The following KCNJ6 variants were observed in gnomAD, a reference collection of about 807,000 sequenced individuals.
The protein encoded by KCNJ6 is G protein-activated inward rectifier potassium channel 2.
KCNJ6 carries 9 observed loss-of-function variants against 34.2 expected under a neutral mutation model. The ratio of observed to expected loss-of-function variants is 0.26; its 90% CI spans 0.16 to 0.46. KCNJ6 has a LOEUF of 0.46. KCNJ6 is among the 20% of genes least tolerant of loss of function. KCNJ6 has a pLI of 1.00. For synonymous variants in KCNJ6, 196 were observed against 207.1 expected (o/e 0.95, Z 0.46); for missense variants, 236 against 531.3 (o/e 0.44, Z 5.46).
chr21:37,894,692 C>T (rs908395713), intron 1 of KCNJ6, among the ~76,000 whole-genome samples: 2 of 151,934 alleles, frequency 1.3e-5, no homozygotes, highest in Non-Finnish European at 2.9e-5. Flanking sequence ...CAACATTGTA[C>T]CACTCAGCTC....
At chr21:37,737,105 A>G (rs1324702164) in intron 2 of KCNJ6, among the ~76,000 whole-genome samples, 1 of 152,160 alleles carries the variant, frequency 6.6e-6, no homozygotes, top group African/African-American at 2.4e-5. Flanking sequence ...GGGGATCTGC[A>G]GAGCTTCTTT....
rs539317010 is a variant in KCNJ6 at position 37,677,084 on chromosome 21, C to A, written c.946+37127G>T. ...CAGTGGCAGAAATCGATAATTGGTTCCAGTTCCTCTCCCCAGGTGCCACGA... is the reference window on the plus strand; with the variant it reads ...CAGTGGCAGAAATCGATAATTGGTTACAGTTCCTCTCCCCAGGTGCCACGA... On this transcript the variant is annotated intron_variant, in intron 3 of 3. Transcript: ENST00000609713. Among the ~76,000 whole-genome samples, 3 of 152,342 alleles carry A rather than the reference C, an allele frequency of 2.0e-5. No individual in the cohort carries two copies. The South Asian group carries it at 6.2e-4, about 32-fold the overall frequency.
At chr21:37,842,083 C>G (rs565959183) in intron 1 of KCNJ6, among the ~76,000 whole-genome samples, 52 of 152,330 alleles carry the variant, frequency 3.4e-4, no homozygotes, top group Admixed American at 1.4e-3. Context: ...CTTTTGACTC[C>G]TAACCTTTGC....
intron 1 of KCNJ6, among the ~76,000 whole-genome samples, chr21:37,884,715 G>A (rs1392382748): frequency 1.3e-5 from 2 of 152,116 alleles, no homozygotes; most frequent in African/African-American, 4.8e-5. Flanking sequence ...AGAGTCACCT[G>A]GCTCTCATCC....
intron 3 of KCNJ6, among the ~76,000 whole-genome samples, chr21:37,667,132 C>T (rs2054517590): frequency 1.1e-5 from 1 of 92,248 alleles, no homozygotes; most frequent in South Asian, 3.8e-4. Flanking sequence ...CCGAGAAACA[C>T]CCAAGAATGA....
Position 37,829,870 on chromosome 21 carries a change from A to G in KCNJ6, c.25+10788T>C, listed in dbSNP as rs556676599. ...CCCCAGAGCCGGGCTTTCCATTACCAATAACTTGGAAAGGCAAAATGAGTG... is the reference window on the plus strand; with the variant it reads ...CCCCAGAGCCGGGCTTTCCATTACCGATAACTTGGAAAGGCAAAATGAGTG... On this transcript the variant is annotated intron_variant, in intron 2 of 3. Coordinates refer to ENST00000609713, the MANE Select transcript of KCNJ6 (RefSeq NM_002240.5). Among the ~76,000 whole-genome samples, 119 of 152,330 alleles carry G rather than the reference A, an allele frequency of 7.8e-4. No homozygotes were observed. The South Asian group carries it at 9.3e-3, about 12-fold the overall frequency.
intron 1 of KCNJ6, among the ~76,000 whole-genome samples, chr21:37,855,674 G>T (rs1327528231): frequency 6.6e-6 from 1 of 152,144 alleles, no homozygotes; most frequent in Non-Finnish European, 1.5e-5. Flanking sequence ...TCTCTCCCCC[G>T]GGGACCAGTC....
At chr21:37,659,309 C>A (rs2054477752) in intron 3 of KCNJ6, among the ~76,000 whole-genome samples, 1 of 152,184 alleles carries the variant, frequency 6.6e-6, no homozygotes, top group Non-Finnish European at 1.5e-5. Flanking sequence ...TGGACATGCA[C>A]CAAAAGGTGT....
Position 37,866,532 on chromosome 21 carries a change from C to T in KCNJ6, c.-27-25823G>A, listed in dbSNP as rs544521937. On this transcript the variant is annotated intron_variant, in intron 1 of 3. Transcript: ENST00000609713. ...GTGCAGCTTTTGCTAAAGGAACAGACCTGGCCGGAGCTGGACAGTGAGGCC... is the reference window on the plus strand; with the variant it reads ...GTGCAGCTTTTGCTAAAGGAACAGATCTGGCCGGAGCTGGACAGTGAGGCC... 6.6e-5 allele frequency among the ~76,000 whole-genome samples: 10 copies of T among 152,288 alleles called. No homozygotes were observed. The East Asian group carries it at 1.9e-3, about 29-fold the overall frequency.
At chr21:37,839,507 T>C (rs2055468349) in intron 2 of KCNJ6, among the ~76,000 whole-genome samples, 1 of 152,236 alleles carries the variant, frequency 6.6e-6, no homozygotes, top group Non-Finnish European at 1.5e-5. Flanking sequence ...GGAAGACCTG[T>C]ATTTAATAGT....
intron 2 of KCNJ6, among the ~76,000 whole-genome samples, chr21:37,797,095 T>A (rs972214614): frequency 6.6e-6 from 1 of 152,046 alleles, no homozygotes; most frequent in African/African-American, 2.4e-5. Context: ...GGAGTCTTAC[T>A]TTGTTGCCCA....
intron 1 of KCNJ6, among the ~76,000 whole-genome samples, chr21:37,911,047 T>C: frequency 6.6e-6 from 1 of 151,160 alleles, no homozygotes; most frequent in East Asian, 1.9e-4. Context: ...CTTTTAATGA[T>C]GAGACCGCTC....
intron 1 of KCNJ6, among the ~76,000 whole-genome samples, chr21:37,899,049 A>G (rs1218508308): frequency 1.3e-5 from 2 of 152,236 alleles, no homozygotes; most frequent in African/African-American, 4.8e-5. Flanking sequence ...TAAAAATGCA[A>G]ATATTTCCCT....
intron 3 of KCNJ6, among the ~76,000 whole-genome samples, chr21:37,705,439 A>C (rs1357231595): frequency 1.3e-5 from 2 of 152,224 alleles, no homozygotes; most frequent in Admixed American, 6.5e-5. Flanking sequence ...TCCATGCAAA[A>C]CATCTAATAA....
chr21:37,820,625 G>C (rs1032953082), intron 2 of KCNJ6, among the ~76,000 whole-genome samples: 1 of 152,042 alleles, frequency 6.6e-6, no homozygotes, highest in African/African-American at 2.4e-5. Flanking sequence ...ACCCATTCAG[G>C]TTCCATAATT....
chr21:37,881,477 GA>G (rs2055708006), intron 1 of KCNJ6, among the ~76,000 whole-genome samples: 3 of 151,790 alleles, frequency 2.0e-5, no homozygotes, highest in Non-Finnish European at 4.4e-5. Flanking sequence ...CATGGAGAGA[GA>G]GAGAGAGAGA....
At chr21:37,814,697 G>T (rs2055337785) in intron 2 of KCNJ6, among the ~76,000 whole-genome samples, 2 of 152,078 alleles carry the variant, frequency 1.3e-5, no homozygotes, top group Admixed American at 1.3e-4. Flanking sequence ...AAGAGATCGA[G>T]GCCATCCTGG....
intron 1 of KCNJ6, among the ~76,000 whole-genome samples, chr21:37,906,343 G>A (rs1434742478): frequency 6.6e-6 from 1 of 152,194 alleles, no homozygotes; most frequent in Non-Finnish European, 1.5e-5. Flanking sequence ...GACCCTACCT[G>A]GCTCTTGCAT....
chr21:37,810,869 T>C (rs73206072), intron 2 of KCNJ6, among the ~76,000 whole-genome samples: 11,732 of 152,256 alleles, frequency 0.077, 519 homozygotes, highest in Middle Eastern at 0.12. Context: ...TTTGTTCTAA[T>C]ATTTGGTCTT....
Sources: allele counts gnomAD v4.1 joint callset (sites outside exome capture counted in the v4.1 genomes callset), GRCh38; gene constraint gnomAD v4.1.1; transcripts MANE v1.5; gene names NCBI Gene and HGNC (gene_info 2026-07-23, HGNC 2026-07-21).